Variants in SWAP70 observed in about 807,000 individuals in gnomAD.
The protein encoded by SWAP70 is switch-associated protein 70.
SWAP70 carries 34 observed loss-of-function variants against 80.2 expected under a neutral mutation model. That is an observed-to-expected ratio of 0.42 (90% CI 0.32 to 0.56). The LOEUF (loss-of-function observed/expected upper bound fraction) is 0.56, where lower values mean the gene tolerates loss of function less well. SWAP70 is among the 20% of genes least tolerant of loss of function. SWAP70 has a pLI of 0.09. For missense variants in SWAP70, 578 were observed against 690.7 expected, an observed-to-expected ratio of 0.84 and a Z score of 1.83; for synonymous variants, 239 against 238.5, an observed-to-expected ratio of 1.00 and a Z score of -0.02.
intron 3 of SWAP70, among the ~76,000 whole-genome samples, chr11:9,717,425 TG>T (rs1565125224): frequency 2.0e-5 from 3 of 152,070 alleles, no homozygotes; most frequent in Non-Finnish European, 4.4e-5. Flanking sequence ...CTTGAGCTCA[TG>T]AGTTCAAGAC....
At chr11:9,718,651 A>G (rs569495712) in intron 3 of SWAP70, among the ~76,000 whole-genome samples, 2 of 148,390 alleles carry the variant, frequency 1.3e-5, no homozygotes, top group Non-Finnish European at 3.0e-5. Flanking sequence ...ATAATTTTTC[A>G]TGAACATATA....
intron 1 of SWAP70, among the ~76,000 whole-genome samples, chr11:9,693,337 C>A (rs360051): frequency 0.88 from 134,688 of 152,224 alleles, 61,193 homozygotes; most frequent in Non-Finnish European, 0.99. Flanking sequence ...CCACACTGCT[C>A]ATTTAACTAC....
intron 6 of SWAP70, among the ~76,000 whole-genome samples, chr11:9,731,207 T>TA (rs1216711513): frequency 2.0e-5 from 3 of 152,082 alleles, no homozygotes; most frequent in South Asian, 4.1e-4. Flanking sequence ...GAGGGCTTTT[T>TA]AAAAAAAATC....
At chr11:9,709,613 G>C (rs1017232596) in intron 2 of SWAP70, among the ~76,000 whole-genome samples, 1 of 151,958 alleles carries the variant, frequency 6.6e-6, no homozygotes, top group African/African-American at 2.4e-5. Flanking sequence ...TCAGCCTCCC[G>C]GGCAGCTAGG....
intron 1 of SWAP70, among the ~76,000 whole-genome samples, chr11:9,682,311 A>T (rs550252595): frequency 3.3e-5 from 5 of 152,290 alleles, no homozygotes; most frequent in African/African-American, 9.6e-5. Context: ...AGGTGGACAA[A>T]CTGTATGAAA....
intron 6 of SWAP70, among the ~76,000 whole-genome samples, chr11:9,730,925 C>A (rs1323559430): frequency 6.6e-6 from 1 of 152,178 alleles, no homozygotes; most frequent in Admixed American, 6.5e-5. Context: ...AACCTCTTCC[C>A]CCGTCTCTAC....
chr11:9,745,225 T>C (rs1366557506), intron 9 of SWAP70, among the ~76,000 whole-genome samples: 1 of 152,190 alleles, frequency 6.6e-6, no homozygotes, highest in East Asian at 1.9e-4. Context: ...CTGTGTAACT[T>C]GAGAGAATGG....
intron 5 of SWAP70, 39 bp downstream of exon 5, chr11:9,728,238 C>T (rs747806116): frequency 2.6e-6 from 4 of 1,531,706 alleles, no homozygotes; most frequent in Non-Finnish European, 3.5e-6. Flanking sequence ...TTACCCCGTG[C>T]TGCCCCCTGA....
chr11:9,698,097 T>A (rs1188103699), intron 2 of SWAP70, among the ~76,000 whole-genome samples: 1 of 133,438 alleles, frequency 7.5e-6, no homozygotes, highest in African/African-American at 3.0e-5. Flanking sequence ...ATACATGTTT[T>A]TTGTTTTTTT....
At chr11:9,686,178 AG>A (rs1162855799) in intron 1 of SWAP70, among the ~76,000 whole-genome samples, 3 of 151,996 alleles carry the variant, frequency 2.0e-5, no homozygotes, top group African/African-American at 7.2e-5. Context: ...CACCAAAGGC[AG>A]GTTGTAATTA....
intron 6 of SWAP70, among the ~76,000 whole-genome samples, chr11:9,729,829 A>T (rs549030853): frequency 6.8e-4 from 104 of 152,288 alleles, no homozygotes; most frequent in South Asian, 8.3e-4. Flanking sequence ...CTCATGAAGG[A>T]TGCTAAGGCG....
chr11:9,672,228 T>TATATATATATATGA (rs1554982640), intron 1 of SWAP70, among the ~76,000 whole-genome samples: 5 of 133,734 alleles, frequency 3.7e-5, no homozygotes, highest in African/African-American at 1.4e-4. Context: ...TATATATATA[T>TATATATATATATGA]GATTGTAAAG....
At chr11:9,731,795 T>A (rs1036434431) in intron 6 of SWAP70, among the ~76,000 whole-genome samples, 2 of 152,210 alleles carry the variant, frequency 1.3e-5, no homozygotes, top group African/African-American at 4.8e-5. Flanking sequence ...CTGTTAGCAT[T>A]AGTTGCTAGT....
chr11:9,713,844 G>T (rs541691990), intron 3 of SWAP70, among the ~76,000 whole-genome samples: 2 of 152,330 alleles, frequency 1.3e-5, no homozygotes, highest in East Asian at 1.9e-4. Flanking sequence ...TACAGGGAAA[G>T]TGGGTTTCTT....
At chr11:9,724,552 A>G in intron 3 of SWAP70, 106 bp from the exon 4 acceptor site, 1 of 829,212 alleles carries the variant, frequency 1.2e-6, no homozygotes, top group Non-Finnish European at 1.8e-6. Context: ...TTGGAACTGT[A>G]AAGAGTATTT....
intron 2 of SWAP70, 43 bp downstream of exon 2, chr11:9,694,329 G>C: frequency 3.9e-6 from 6 of 1,549,490 alleles, no homozygotes; most frequent in Non-Finnish European, 5.2e-6. Context: ...TGTTTGGTTT[G>C]CATGTTTCAA....
intron 2 of SWAP70, among the ~76,000 whole-genome samples, chr11:9,696,009 TG>T (rs1850753141): frequency 6.6e-6 from 1 of 152,160 alleles, no homozygotes; most frequent in African/African-American, 2.4e-5. Context: ...TTGCCCAGGC[TG>T]GGGCAATGGT....
chr11:9,729,641 G>A (rs577128651), intron 6 of SWAP70, among the ~76,000 whole-genome samples, 190 bp downstream of exon 6: 2 of 152,050 alleles, frequency 1.3e-5, no homozygotes, highest in East Asian at 3.9e-4. Context: ...TGGGACTATA[G>A]CCACCACGCC....
At chr11:9,726,518 G>A (rs1203084875) in intron 4 of SWAP70, among the ~76,000 whole-genome samples, 1 of 152,184 alleles carries the variant, frequency 6.6e-6, no homozygotes, top group Non-Finnish European at 1.5e-5. Flanking sequence ...AGCCTCTTAG[G>A]ATGGCAGGAT....
Sources: allele counts gnomAD v4.1 joint callset (sites outside exome capture counted in the v4.1 genomes callset), GRCh38; gene constraint gnomAD v4.1.1; transcripts MANE v1.5; gene names NCBI Gene and HGNC (gene_info 2026-07-23, HGNC 2026-07-21).